AMZ1: variants seen among roughly 807,000 people sequenced by gnomAD.
AMZ1 encodes the protein archaelysin family metallopeptidase 1, also known as archaemetzincin-1.
In AMZ1, 39 loss-of-function variants were observed where a neutral mutation model predicts 29.9. That is an observed-to-expected ratio of 1.30 (90% CI 1.01 to 1.70). The LOEUF is 1.70. AMZ1 is among the 40% of genes most tolerant of loss of function. AMZ1 has a pLI of 0.00. For missense variants in AMZ1, 1,041 were observed against 680.6 expected (o/e 1.53, Z -5.89); for synonymous variants, 458 against 304.0 (o/e 1.51, Z -5.27).
downstream of AMZ1, among the ~76,000 whole-genome samples, chr7:2,722,461 C>T (rs969386630): frequency 2.6e-5 from 4 of 152,036 alleles, no homozygotes; most frequent in African/African-American, 7.2e-5. Flanking sequence ...TCAGCAGAGA[C>T]GGGGTTTCAC....
intron 4 of AMZ1, among the ~76,000 whole-genome samples, chr7:2,748,738 A>C (rs562812886): frequency 2.2e-4 from 33 of 152,362 alleles, no homozygotes; most frequent in Middle Eastern, 3.4e-3. Flanking sequence ...ACAGAATGGG[A>C]GAAAATTTTT....
upstream of AMZ1, chr7:2,762,796 A>G (rs1327905243): frequency 5.2e-6 from 8 of 1,536,862 alleles, no homozygotes; most frequent in African/African-American, 1.4e-5. Context: ...AGGGAGGAGG[A>G]GCACTCAGGG....
intron 4 of AMZ1, among the ~76,000 whole-genome samples, chr7:2,741,800 G>A (rs891929443): frequency 6.6e-6 from 1 of 151,034 alleles, no homozygotes; most frequent in African/African-American, 2.4e-5. Context: ...TACAACCACG[G>A]CAACTTCAGG....
upstream of AMZ1, among the ~76,000 whole-genome samples, chr7:2,763,719 T>A (rs1034632890): frequency 6.6e-6 from 1 of 152,188 alleles, no homozygotes; most frequent in Non-Finnish European, 1.5e-5. Flanking sequence ...AACCAAAGCT[T>A]CTTCTAAATG....
chr7:2,724,488 C>G (rs140679286), downstream of AMZ1, among the ~76,000 whole-genome samples: 2 of 152,344 alleles, frequency 1.3e-5, no homozygotes, highest in African/African-American at 4.8e-5. Context: ...CAGGACCAGG[C>G]AAGAGACGGG....
At chr7:2,699,793 T>C (rs906755199) in intron 1 of AMZ1, among the ~76,000 whole-genome samples, 2 of 151,936 alleles carry the variant, frequency 1.3e-5, no homozygotes, top group Admixed American at 1.3e-4. Context: ...GGGGCCCTTC[T>C]AGCTCTGCAG....
At chr7:2,679,553 G>C (rs555422169) in exon 1 of AMZ1, 1 of 152,402 alleles carries the variant, frequency 6.6e-6, no homozygotes, top group African/African-American at 2.4e-5. Flanking sequence ...CAGCACAGCC[G>C]CCTGCGTTGA....
At chr7:2,740,556 A>G (rs895391572) in intron 4 of AMZ1, among the ~76,000 whole-genome samples, 1 of 152,162 alleles carries the variant, frequency 6.6e-6, no homozygotes, top group Non-Finnish European at 1.5e-5. Context: ...ACCCAGTCAG[A>G]GTATTTTGTT....
At chr7:2,704,328 C>A (rs529044961) in intron 3 of AMZ1, among the ~76,000 whole-genome samples, 2 of 152,138 alleles carry the variant, frequency 1.3e-5, no homozygotes, top group Non-Finnish European at 1.5e-5. Context: ...CTAGGCCAGA[C>A]CCTGTCTGTG....
At chr7:2,733,644 G>C in intron 4 of AMZ1, 1 of 657,060 alleles carries the variant, frequency 1.5e-6, no homozygotes, top group East Asian at 2.8e-5. Context: ...GAGAGTGTCC[G>C]TGTGTTTTCT....
Position 2,718,531 on chromosome 7 carries a change from C to T in AMZ1, c.*5653C>T, listed in dbSNP as rs1485728499. Among the ~76,000 whole-genome samples, 1 of 152,212 alleles carries T rather than the reference C, an allele frequency of 6.6e-6. No homozygotes were observed. The highest frequency in any genetic ancestry group is 1.5e-5 in the Non-Finnish European group (1 of 68,034). Reference sequence around the variant, plus strand: ...TGGACGCTGGTGGCAGCCGCGGGCGCCCACTCACCTGGCACGTGGACGAAG... The same window carrying T: ...TGGACGCTGGTGGCAGCCGCGGGCGTCCACTCACCTGGCACGTGGACGAAG... On this transcript the variant is annotated 3_prime_UTR_variant, in exon 7 of 7. Transcript: ENST00000683327.
At chr7:2,750,671 C>T (rs138142818) in intron 4 of AMZ1, among the ~76,000 whole-genome samples, 66 of 152,288 alleles carry the variant, frequency 4.3e-4, no homozygotes, top group African/African-American at 1.6e-3. Flanking sequence ...TAACTGAAAC[C>T]ATGGAAGGTG....
Position 2,700,419 on chromosome 7 carries a change from C to T in AMZ1, c.-33C>T. The T allele has an allele frequency of 1.3e-6, 2 of 1,579,794 alleles. No individual in the cohort carries two copies. The highest frequency in any genetic ancestry group is 1.7e-6 in the Non-Finnish European group (2 of 1,168,542). On this transcript the variant is annotated 5_prime_UTR_variant, in exon 2 of 7. Transcript: ENST00000683327. Reference sequence around the variant, plus strand: ...GGTGGCCCATGGACAGCAGCAGGGGCTCCCAGGAGTGGCCAGGCCCTGCCC... The same window carrying T: ...GGTGGCCCATGGACAGCAGCAGGGGTTCCCAGGAGTGGCCAGGCCCTGCCC...
chr7:2,692,251 C>T (rs1787437321), intron 1 of AMZ1, among the ~76,000 whole-genome samples: 1 of 152,056 alleles, frequency 6.6e-6, no homozygotes, highest in Non-Finnish European at 1.5e-5. Flanking sequence ...TGAAAGAGGA[C>T]CGAGCTTGGC....
At chr7:2,725,437 C>G (rs1330098155) in intron 4 of AMZ1, among the ~76,000 whole-genome samples, 1 of 152,234 alleles carries the variant, frequency 6.6e-6, no homozygotes, top group African/African-American at 2.4e-5. Flanking sequence ...TACTGCAGCC[C>G]AGAAATCCAA....
chr7:2,744,435 C>A lies in AMZ1; in HGVS notation n.551-20277C>A, dbSNP rs1190553344. Among the ~76,000 whole-genome samples the A allele has an allele frequency of 2.0e-5, 3 of 152,206 alleles. No individual in the cohort carries two copies. In the East Asian group the frequency reaches 5.8e-4, roughly 29 times the overall value. Reference sequence around the variant, plus strand: ...GTCTGGAGTGGACCTCTAGCAAACTCCAACAGACCTGCAGCTGAGGGTCCT... The same window carrying A: ...GTCTGGAGTGGACCTCTAGCAAACTACAACAGACCTGCAGCTGAGGGTCCT... On this transcript the variant is annotated intron_variant and non_coding_transcript_variant, in intron 4 of 4. Transcript: ENST00000489665.
At chr7:2,701,044 A>T (rs1294164378) in intron 2 of AMZ1, among the ~76,000 whole-genome samples, 1 of 152,114 alleles carries the variant, frequency 6.6e-6, no homozygotes, top group Non-Finnish European at 1.5e-5. Flanking sequence ...TTGAAACTAG[A>T]GCCATCCCAG....
At chr7:2,683,988 G>A (rs915864970), upstream of AMZ1, among the ~76,000 whole-genome samples, 1 of 151,848 alleles carries the variant, frequency 6.6e-6, no homozygotes, top group Admixed American at 6.6e-5. Context: ...GACCAGCCTG[G>A]CCAACACAGT....
At chr7:2,703,810 T>G (rs1045964382) in intron 3 of AMZ1, among the ~76,000 whole-genome samples, 1 of 152,244 alleles carries the variant, frequency 6.6e-6, no homozygotes, top group South Asian at 2.1e-4. Flanking sequence ...CTCTATAATA[T>G]CTTTTATGAT....
Sources: allele counts gnomAD v4.1 joint callset (sites outside exome capture counted in the v4.1 genomes callset), GRCh38; gene constraint gnomAD v4.1.1; transcripts MANE v1.5; gene names NCBI Gene and HGNC (gene_info 2026-07-23, HGNC 2026-07-21).